REL: variants seen among roughly 807,000 people sequenced by gnomAD.
REL encodes proto-oncogene c-Rel.
REL carries 15 observed loss-of-function variants against 45.9 expected under a neutral mutation model. The ratio of observed to expected loss-of-function variants is 0.33; its 90% CI spans 0.22 to 0.50. The LOEUF (loss-of-function observed/expected upper bound fraction) is 0.50, where lower values mean the gene tolerates loss of function less well. Among genes scored for constraint, REL ranks in the 20% least tolerant of loss-of-function variants. REL has a pLI of 0.98. For synonymous variants in REL, 239 were observed against 242.1 expected (o/e 0.99, Z 0.12); for missense variants, 601 against 715.2 (o/e 0.84, Z 1.82).
At position 60,931,386 on chromosome 2, in the gene REL, A is replaced by G. The variant is rs887159088; in HGVS notation, c.*8851A>G. 3.9e-5 allele frequency: 6 copies of G among 152,326 alleles called. No individual in the cohort carries two copies. The highest frequency in any genetic ancestry group is 1.2e-4 in the African/African-American group (5 of 41,452). 9.4% of individuals were successfully genotyped at this position (152,326 alleles called of 1,614,324 possible). ...AAAATCCTATTTTTTTTGACTGAGT[A>G]TTTGTAGATGCTTAATGACTGAAAT... On this transcript the variant is annotated 3_prime_UTR_variant, in exon 10 of 10. Transcript: ENST00000394479.
At chr2:60,906,914 T>TA (rs386355018) in intron 4 of REL, among the ~76,000 whole-genome samples, 5,111 of 85,622 alleles carry the variant, frequency 0.06, 133 homozygotes, top group African/African-American at 0.16. Context: ...TATATATATA[T>TA]TTTTTTTTTT....
At chr2:60,915,466 A>G (rs553134633) in intron 4 of REL, among the ~76,000 whole-genome samples, 11 of 152,168 alleles carry the variant, frequency 7.2e-5, no homozygotes, top group Non-Finnish European at 1.2e-4. Flanking sequence ...GTTTTTATGC[A>G]CTGTTTCAAA....
At chr2:60,904,302 T>C (rs1273157139) in intron 4 of REL, among the ~76,000 whole-genome samples, 3 of 151,758 alleles carry the variant, frequency 2.0e-5, no homozygotes, top group African/African-American at 7.3e-5. Flanking sequence ...CTTGGGAGGC[T>C]GAAGCAGGAG....
rs949762029 is a variant in REL at position 60,921,777 on chromosome 2, T to G, written c.1006T>G (p.Ser336Ala). ...TCCTCCCACAGAACCAAACTTGTTT[T>G]CTCATGATGCAGTTGTGAGAGAAAT... Reference protein sequence around the residue: ...RYFKKEPNLFSHDAVVREMPT... With the variant: ...RYFKKEPNLFAHDAVVREMPT... The change falls in exon 10 of 10, where the codon TCT (serine) becomes GCT (alanine). Residue 336 changes from serine (S) to alanine (A), a missense_variant. Around this residue, in one of 4 missense-constraint regions of REL, gnomAD observed 334 missense variants for 333.1 expected, o/e 1.00. Transcript: ENST00000394479. 1.9e-6 allele frequency: 3 copies of G among 1,594,180 alleles called. No homozygotes were observed. In the Admixed American group the frequency reaches 5.1e-5, roughly 27 times the overall value.
At chr2:60,908,355 G>C (rs936791372) in intron 4 of REL, among the ~76,000 whole-genome samples, 2 of 152,058 alleles carry the variant, frequency 1.3e-5, no homozygotes, top group Admixed American at 1.3e-4. Context: ...TTTTAAGGCC[G>C]GCCTTTATCT....
chr2:60,922,814 C>A lies in REL; in HGVS notation c.*279C>A. Reference sequence around the variant, plus strand: ...ATCCTAGCACTTTGGGAGGCCAAGGCGGGTGGATCACTTGAGACCAGGAAT... The same window carrying A: ...ATCCTAGCACTTTGGGAGGCCAAGGAGGGTGGATCACTTGAGACCAGGAAT... On this transcript the variant is annotated 3_prime_UTR_variant, in exon 10 of 10. Transcript: ENST00000394479. The A allele has an allele frequency of 2.4e-6, 2 of 841,526 alleles. No homozygotes were observed. Among genetic ancestry groups the A allele is most frequent in the Non-Finnish European group, 2.9e-6 (2 of 684,050 alleles). The allele number at this position is 841,526 out of a possible 1,614,324, so 52.1% of individuals were successfully genotyped here. A position where few individuals can be genotyped will look rare whatever the true frequency, so the allele number is the denominator to read the frequency against.
At chr2:60,917,327 ACTTTCTTCT>A (rs1674001600) in intron 5 of REL, among the ~76,000 whole-genome samples, 3 of 152,148 alleles carry the variant, frequency 2.0e-5, no homozygotes, top group Admixed American at 2.0e-4. Context: ...TTAAAAACTA[ACTTTCTTCT>A]TACCATATAT....
chr2:60,922,502 T>C lies in REL; in HGVS notation c.1731T>C (p.Ser577=). The change falls in exon 10 of 10, where the codon AGT becomes AGC. Residue 577 remains serine, a synonymous_variant. Coordinates refer to ENST00000394479, the MANE Select transcript of REL (RefSeq NM_001291746.2). ...GIGSMQNEQL[S]DSFPYEFFQV ...GCAGTATGCAAAATGAGCAATTGAG[T>C]GACTCCTTTCCATATGAATTTTTTC... is the stretch of plus-strand genomic sequence containing the variant. 1 of 1,608,474 alleles carries C rather than the reference T, an allele frequency of 6.2e-7. No homozygotes were observed. The highest frequency in any genetic ancestry group is 8.5e-7 in the Non-Finnish European group (1 of 1,177,598).
At chr2:60,920,292 C>A (rs1260048736) in intron 8 of REL, 183 bp downstream of exon 8, 4 of 623,306 alleles carry the variant, frequency 6.4e-6, no homozygotes, top group African/African-American at 3.7e-5. Context: ...ACCTCTGCCC[C>A]CCAGGTTCAA....
chr2:60,881,938 T>G, intron 1 of REL, 88 bp downstream of exon 1: 2 of 903,632 alleles, frequency 2.2e-6, no homozygotes, highest in Non-Finnish European at 3.1e-6. Flanking sequence ...GGAGCTCAGT[T>G]TTTGCTGGGG....
At position 60,923,070 on chromosome 2, in the gene REL, C is replaced by G. The variant is rs1558824561; in HGVS notation, c.*535C>G. ...AAAAAAAAAAAACAAAAAAAACACA[C>G]TTTTTTATATTTCTTTTTATAATGT... On this transcript the variant is annotated 3_prime_UTR_variant, in exon 10 of 10. Coordinates refer to ENST00000394479, the MANE Select transcript of REL (RefSeq NM_001291746.2). 5.7e-6 allele frequency: 1 copy of G among 173,974 alleles called. No homozygotes were observed. Among genetic ancestry groups the G allele is most frequent in the Admixed American group, 6.4e-5 (1 of 15,726 alleles). The allele number at this position is 173,974 out of a possible 1,614,324, so 10.8% of individuals were successfully genotyped here. A position where few individuals can be genotyped will look rare whatever the true frequency, so the allele number is the denominator to read the frequency against.
At chr2:60,883,008 G>C (rs940525783) in intron 1 of REL, among the ~76,000 whole-genome samples, 2 of 152,048 alleles carry the variant, frequency 1.3e-5, no homozygotes, top group East Asian at 3.9e-4. Flanking sequence ...GAGCCGGGGC[G>C]GGGGGATAAA....
intron 4 of REL, among the ~76,000 whole-genome samples, chr2:60,912,629 G>C (rs1573337855): frequency 6.6e-6 from 1 of 152,128 alleles, no homozygotes; most frequent in East Asian, 1.9e-4. Context: ...ATTTCCAAAA[G>C]AGAGATTTCA....
intron 3 of REL, 67 bp from the exon 4 acceptor site, chr2:60,900,925 A>G (rs1274113562): frequency 1.7e-5 from 22 of 1,311,748 alleles, no homozygotes; most frequent in Admixed American, 2.0e-5. Context: ...GTATTGCTAT[A>G]TGTTTGATTT....
Position 60,922,203 on chromosome 2 carries a change from G to A in REL, c.1432G>A (p.Asp478Asn). 1 of 1,614,148 alleles carries A rather than the reference G, an allele frequency of 6.2e-7. No homozygotes were observed. Among genetic ancestry groups the A allele is most frequent in the Non-Finnish European group, 8.5e-7 (1 of 1,180,026 alleles). Residue 478 changes from aspartate to asparagine, a missense_variant, in exon 10 of 10, where the codon GAT (aspartate) becomes AAT (asparagine). Asp to Asn is a conservative substitution (Grantham distance 23, BLOSUM62 1). Transcript: ENST00000394479. ...TTSSDSMGET[D>N]NPRLLSMNLE... ...CAGCAGTGACAGCATGGGAGAGACT[G>A]ATAATCCAAGACTTCTGAGCATGAA...
At chr2:60,901,470 C>A (rs1673496603) in intron 4 of REL, among the ~76,000 whole-genome samples, 1 of 152,124 alleles carries the variant, frequency 6.6e-6, no homozygotes, top group Non-Finnish European at 1.5e-5. Context: ...CTATTTATAT[C>A]TTCAACCTGT....
chr2:60,905,214 C>A (rs1279785556), intron 4 of REL, among the ~76,000 whole-genome samples: 1 of 152,210 alleles, frequency 6.6e-6, no homozygotes, highest in Non-Finnish European at 1.5e-5. Context: ...CCTGCCTCAG[C>A]CTCCCGAGTA....
intron 3 of REL, among the ~76,000 whole-genome samples, chr2:60,896,288 C>T (rs1361443031): frequency 3.9e-5 from 6 of 152,072 alleles, no homozygotes; most frequent in Admixed American, 6.6e-5. Flanking sequence ...GGATTACAAG[C>T]GTGAGCCACG....
chr2:60,905,101 CTTTG>C (rs1242908435), intron 4 of REL, among the ~76,000 whole-genome samples: 7 of 151,984 alleles, frequency 4.6e-5, no homozygotes, highest in Admixed American at 3.3e-4. Context: ...CTTGTTTTTT[CTTTG>C]TTTGTTTGTG....
Sources: gnomAD v4.1 joint callset for allele counts (sites outside exome capture counted in the v4.1 genomes callset) on GRCh38, gnomAD v4.1.1 for gene constraint, gnomAD v4.1.1 regional missense constraint, MANE v1.5 for transcripts, NCBI Gene and HGNC (gene_info 2026-07-23, HGNC 2026-07-21) for gene names.